PARM1: variants seen among roughly 807,000 people sequenced by gnomAD.
PARM1 encodes the protein prostate androgen-regulated mucin-like protein 1.
PARM1 carries 14 observed loss-of-function variants against 24.6 expected under a neutral mutation model. That is an observed-to-expected ratio of 0.57 (90% CI 0.38 to 0.89). The LOEUF (loss-of-function observed/expected upper bound fraction) is 0.89. Among genes scored for constraint, PARM1 ranks in the 40% least tolerant of loss-of-function variants. The pLI is 0.00. For missense variants in PARM1, 362 were observed against 380.4 expected, an observed-to-expected ratio of 0.95 and a Z score of 0.40; for synonymous variants, 179 against 156.6, an observed-to-expected ratio of 1.14 and a Z score of -1.07.
At chr4:74,937,821 C>A (rs111995430) in intron 1 of PARM1, among the ~76,000 whole-genome samples, 2 of 152,262 alleles carry the variant, frequency 1.3e-5, no homozygotes, top group African/African-American at 4.8e-5. Context: ...TCCAGCAAAC[C>A]AATGTGCAAA....
intron 1 of PARM1, among the ~76,000 whole-genome samples, chr4:74,946,624 A>G (rs1403708584): frequency 6.6e-6 from 1 of 152,202 alleles, no homozygotes; most frequent in Non-Finnish European, 1.5e-5. Flanking sequence ...ATCTTGTTAG[A>G]CCAGGTAGTA....
intron 1 of PARM1, among the ~76,000 whole-genome samples, chr4:74,998,173 T>G (rs1367119559): frequency 6.6e-6 from 1 of 152,236 alleles, no homozygotes; most frequent in Non-Finnish European, 1.5e-5. Context: ...GTGGCCATGC[T>G]GCAGGCATTT....
chr4:74,934,299 GC>G (rs1721130190), intron 1 of PARM1, among the ~76,000 whole-genome samples: 1 of 152,178 alleles, frequency 6.6e-6, no homozygotes, highest in Non-Finnish European at 1.5e-5. Flanking sequence ...GGGAAAAGTA[GC>G]CCGACTGCGC....
intron 1 of PARM1, among the ~76,000 whole-genome samples, chr4:74,939,809 A>T (rs182555032): frequency 2.0e-5 from 3 of 152,372 alleles, no homozygotes; most frequent in Admixed American, 2.0e-4. Context: ...CTTATTGTTA[A>T]GTGGAAAAAA....
At chr4:75,020,251 A>G (rs1723066559) in intron 2 of PARM1, among the ~76,000 whole-genome samples, 1 of 152,132 alleles carries the variant, frequency 6.6e-6, no homozygotes, top group Non-Finnish European at 1.5e-5. Context: ...CCTAACAAGT[A>G]TGGTATCTTA....
intron 1 of PARM1, among the ~76,000 whole-genome samples, chr4:74,961,103 A>G (rs1269401307): frequency 6.6e-6 from 1 of 152,078 alleles, no homozygotes; most frequent in Non-Finnish European, 1.5e-5. Context: ...AAGAGAGAAA[A>G]AGCCTAAAGC....
At chr4:74,934,773 G>T (rs1007767133) in intron 1 of PARM1, among the ~76,000 whole-genome samples, 1 of 152,198 alleles carries the variant, frequency 6.6e-6, no homozygotes, top group African/African-American at 2.4e-5. Context: ...TAATGACACG[G>T]AAGGTACCTT....
intron 1 of PARM1, among the ~76,000 whole-genome samples, chr4:74,963,530 G>T (rs898325764): frequency 2.6e-5 from 4 of 152,132 alleles, no homozygotes; most frequent in Non-Finnish European, 5.9e-5. Context: ...AAAACATTTT[G>T]CTGAGTGAAT....
At chr4:74,939,127 C>T (rs1423587970) in intron 1 of PARM1, among the ~76,000 whole-genome samples, 2 of 152,084 alleles carry the variant, frequency 1.3e-5, no homozygotes, top group Non-Finnish European at 2.9e-5. Context: ...AACTGCCAAC[C>T]ATACTTTTGG....
At chr4:75,017,011 A>G (rs1366741503) in intron 2 of PARM1, among the ~76,000 whole-genome samples, 1 of 151,946 alleles carries the variant, frequency 6.6e-6, no homozygotes, top group Non-Finnish European at 1.5e-5. Context: ...CCCCTTGATC[A>G]TTTCCTGTCT....
intron 1 of PARM1, among the ~76,000 whole-genome samples, chr4:75,008,819 T>A (rs887301430): frequency 6.6e-6 from 1 of 152,222 alleles, no homozygotes; most frequent in Non-Finnish European, 1.5e-5. Context: ...ATTTCTCATT[T>A]ATCTCAGGCT....
intron 1 of PARM1, among the ~76,000 whole-genome samples, chr4:74,958,948 C>T (rs1169315368): frequency 1.3e-5 from 2 of 152,270 alleles, no homozygotes; most frequent in Middle Eastern, 3.4e-3. Flanking sequence ...TCACATTAGG[C>T]TTCTCAAGAG....
intron 1 of PARM1, among the ~76,000 whole-genome samples, chr4:75,009,865 A>G (rs1243055561): frequency 2.0e-5 from 3 of 152,226 alleles, no homozygotes; most frequent in African/African-American, 7.2e-5. Context: ...GAGACAATAA[A>G]TAAGTGAATA....
intron 1 of PARM1, chr4:74,957,122 G>A (rs1721653144): frequency 6.6e-6 from 1 of 152,210 alleles, no homozygotes; most frequent in South Asian, 2.1e-4. Context: ...CTAATAAGAT[G>A]CCAGCCATTG....
intron 1 of PARM1, among the ~76,000 whole-genome samples, chr4:74,964,746 C>G (rs1721864236): frequency 6.6e-6 from 1 of 152,070 alleles, no homozygotes; most frequent in Admixed American, 6.5e-5. Context: ...TTAGTAGGAG[C>G]TTAGTAAATA....
At chr4:75,036,015 A>T (rs1187436814) in intron 3 of PARM1, among the ~76,000 whole-genome samples, 2 of 152,206 alleles carry the variant, frequency 1.3e-5, no homozygotes, top group African/African-American at 4.8e-5. Flanking sequence ...GCTTTTATGA[A>T]CTACTCTGGG....
intron 2 of PARM1, among the ~76,000 whole-genome samples, chr4:75,020,939 G>A (rs1427519781): frequency 1.3e-5 from 2 of 152,184 alleles, no homozygotes; most frequent in African/African-American, 4.8e-5. Flanking sequence ...CTTGTCACAA[G>A]TCAATTGCAT....
At chr4:75,006,587 G>T (rs1722773994) in intron 1 of PARM1, among the ~76,000 whole-genome samples, 1 of 152,074 alleles carries the variant, frequency 6.6e-6, no homozygotes, top group Non-Finnish European at 1.5e-5. Flanking sequence ...ATTGTGAATA[G>T]TGCCACAATA....
chr4:74,971,236 T>TG (rs1174355922), intron 1 of PARM1, among the ~76,000 whole-genome samples: 3 of 152,154 alleles, frequency 2.0e-5, no homozygotes, highest in Non-Finnish European at 4.4e-5. Context: ...ATGTCCTACA[T>TG]GATGGTAAGC....
Sources: allele counts gnomAD v4.1 joint callset (sites outside exome capture counted in the v4.1 genomes callset), GRCh38; gene constraint gnomAD v4.1.1; transcripts MANE v1.5; gene names NCBI Gene and HGNC (gene_info 2026-07-23, HGNC 2026-07-21).